Variants in PCDH7 observed in about 807,000 individuals in gnomAD.
The protein encoded by PCDH7 is protocadherin 7.
In PCDH7, 17 loss-of-function variants were observed where a neutral mutation model predicts 58.9. The ratio of observed to expected loss-of-function variants is 0.29; its 90% CI spans 0.20 to 0.43. PCDH7 has a LOEUF of 0.43. Among genes scored for constraint, PCDH7 ranks in the 20% least tolerant of loss-of-function variants. PCDH7 has a pLI of 1.00. For missense variants in PCDH7, 1,274 were observed against 1,441.0 expected, an observed-to-expected ratio of 0.88 and a Z score of 1.88; for synonymous variants, 664 against 616.4, an observed-to-expected ratio of 1.08 and a Z score of -1.14.
intron 3 of PCDH7, among the ~76,000 whole-genome samples, chr4:31,035,649 A>C (rs1032130058): frequency 1.3e-5 from 2 of 152,222 alleles, no homozygotes; most frequent in Admixed American, 1.3e-4. Flanking sequence ...AATTACTTTT[A>C]GGCGAGCATG....
At chr4:30,883,582 A>G (rs538715454) in intron 1 of PCDH7, among the ~76,000 whole-genome samples, 1 of 152,300 alleles carries the variant, frequency 6.6e-6, no homozygotes, top group East Asian at 1.9e-4. Flanking sequence ...CCACATGCAC[A>G]ATATGACTGT....
At chr4:30,779,722 C>A (rs1722547183) in intron 1 of PCDH7, among the ~76,000 whole-genome samples, 1 of 152,088 alleles carries the variant, frequency 6.6e-6, no homozygotes, top group Non-Finnish European at 1.5e-5. Context: ...AATTAATTTG[C>A]TTTTTAGTAG....
chr4:30,967,026 T>A (rs1388020533), intron 3 of PCDH7, among the ~76,000 whole-genome samples: 1 of 152,242 alleles, frequency 6.6e-6, no homozygotes, highest in East Asian at 1.9e-4. Flanking sequence ...AGTTTTAAAT[T>A]TGTTTTCTTT....
At chr4:31,046,417 A>G (rs755325183) in intron 3 of PCDH7, among the ~76,000 whole-genome samples, 14 of 152,028 alleles carry the variant, frequency 9.2e-5, no homozygotes, top group Non-Finnish European at 1.8e-4. Context: ...TGAGTTATAT[A>G]TGTAAAATAC....
chr4:30,799,096 T>C (rs1186454859), intron 1 of PCDH7, among the ~76,000 whole-genome samples: 3 of 152,206 alleles, frequency 2.0e-5, no homozygotes, highest in African/African-American at 7.2e-5. Context: ...AGACATAGTC[T>C]GTAGAGTTAC....
In PCDH7 at chr4:30,933,200, T is replaced by C. The variant is rs1744890116; in HGVS notation, c.287+12831T>C. Among the ~76,000 whole-genome samples the C allele has an allele frequency of 2.0e-5, 3 of 152,034 alleles. No homozygotes were observed. The East Asian group carries it at 5.8e-4, about 29-fold the overall frequency. On this transcript the variant is annotated intron_variant, in intron 2 of 3. Coordinates refer to the PCDH7 transcript ENST00000509759. ...TGCTACCACACCCAGCTAATTTTTG[T>C]ATTTTTAGTAGAGACAGGGTTTCAC...
intron 1 of PCDH7, among the ~76,000 whole-genome samples, chr4:30,752,193 G>A (rs548518329): frequency 6.6e-6 from 1 of 152,032 alleles, no homozygotes; most frequent in East Asian, 1.9e-4. Context: ...GAGTGCAGTG[G>A]CGTGATCCCG....
exon 4 of PCDH7, chr4:31,142,659 A>G: frequency 7.3e-7 from 1 of 1,367,792 alleles, no homozygotes; most frequent in Non-Finnish European, 9.8e-7. Flanking sequence ...GCCAATGGGG[A>G]GGCCGCCATC....
intron 3 of PCDH7, among the ~76,000 whole-genome samples, chr4:31,039,303 A>T (rs1224442702): frequency 6.6e-6 from 1 of 152,248 alleles, no homozygotes; most frequent in Non-Finnish European, 1.5e-5. Flanking sequence ...CTGAAAGCCA[A>T]TTGAAGGGTC....
intron 1 of PCDH7, among the ~76,000 whole-genome samples, chr4:30,778,596 A>C (rs931998733): frequency 6.6e-6 from 1 of 152,136 alleles, no homozygotes; most frequent in Non-Finnish European, 1.5e-5. Flanking sequence ...CTTTACTACA[A>C]AGAATTTTTT....
intron 2 of PCDH7, among the ~76,000 whole-genome samples, chr4:30,930,933 T>C (rs1195722622): frequency 6.6e-6 from 1 of 151,928 alleles, no homozygotes; most frequent in Non-Finnish European, 1.5e-5. Context: ...ACTGAGACCC[T>C]GTCTCTAAAA....
At chr4:30,812,896 C>T (rs1162366785) in intron 1 of PCDH7, among the ~76,000 whole-genome samples, 1 of 152,150 alleles carries the variant, frequency 6.6e-6, no homozygotes, top group African/African-American at 2.4e-5. Context: ...CTCTAACTGT[C>T]ATAAATATAA....
intron 2 of PCDH7, among the ~76,000 whole-genome samples, chr4:30,949,297 A>AAAG (rs1242743159): frequency 1.3e-5 from 2 of 152,184 alleles, no homozygotes; most frequent in African/African-American, 4.8e-5. Context: ...ATAAACATAC[A>AAAG]AAGTTAAATA....
intron 1 of PCDH7, among the ~76,000 whole-genome samples, chr4:30,857,603 T>C (rs572429816): frequency 6.6e-6 from 1 of 152,196 alleles, no homozygotes; most frequent in African/African-American, 2.4e-5. Flanking sequence ...AGACTCCTCA[T>C]TTTAGGGATG....
chr4:30,923,089 T>G (rs1743395645), intron 2 of PCDH7, among the ~76,000 whole-genome samples: 1 of 152,144 alleles, frequency 6.6e-6, no homozygotes, highest in Non-Finnish European at 1.5e-5. Flanking sequence ...TTGTATTGGA[T>G]TTTCATTTGG....
chr4:30,996,943 A>AGAG (rs1476305946), intron 3 of PCDH7, among the ~76,000 whole-genome samples: 1 of 152,228 alleles, frequency 6.6e-6, no homozygotes, highest in Non-Finnish European at 1.5e-5. Context: ...TGATTTAACT[A>AGAG]GACTTAGGAA....
chr4:31,077,158 C>T (rs904865762), intron 3 of PCDH7, among the ~76,000 whole-genome samples: 7 of 151,944 alleles, frequency 4.6e-5, no homozygotes, highest in Admixed American at 1.3e-4. Flanking sequence ...CGCCTGTAAT[C>T]CCAGCACTTT....
intron 1 of PCDH7, among the ~76,000 whole-genome samples, chr4:30,776,878 T>TGC (rs1288155723): frequency 9.9e-5 from 15 of 151,040 alleles, no homozygotes; most frequent in African/African-American, 3.7e-4. Context: ...TGTGTGTGTG[T>TGC]GTGTGTGTAA....
intron 3 of PCDH7, among the ~76,000 whole-genome samples, chr4:31,110,547 G>A (rs1053362512): frequency 1.3e-5 from 2 of 152,224 alleles, no homozygotes; most frequent in Non-Finnish European, 2.9e-5. Flanking sequence ...ATACAAAAAC[G>A]TATTTTGTTT....
Sources: allele counts gnomAD v4.1 joint callset (sites outside exome capture counted in the v4.1 genomes callset), GRCh38; gene constraint gnomAD v4.1.1; transcripts MANE v1.5; gene names NCBI Gene and HGNC (gene_info 2026-07-23, HGNC 2026-07-21).